The following PRKCZ variants were observed in gnomAD, a reference collection of about 807,000 sequenced individuals.
The protein encoded by PRKCZ is protein kinase C zeta, also known as protein kinase C zeta type.
In PRKCZ, 33 loss-of-function variants were observed where a neutral mutation model predicts 79.5. That is an observed-to-expected ratio of 0.41 (90% CI 0.31 to 0.55). PRKCZ has a LOEUF of 0.55. Ranked by LOEUF, PRKCZ falls within the 20% of genes least tolerant of loss-of-function variation. PRKCZ has a pLI of 0.19. For synonymous variants in PRKCZ, 342 were observed against 320.9 expected, an observed-to-expected ratio of 1.07 and a Z score of -0.70; for missense variants, 578 against 813.5, an observed-to-expected ratio of 0.71 and a Z score of 3.52.
At chr1:2,073,532 T>G in intron 4 of PRKCZ, 1 of 772,042 alleles carries the variant, frequency 1.3e-6, no homozygotes, top group Non-Finnish European at 1.6e-6. Context: ...CAAGGTCCGC[T>G]GAGTCCGAGC....
chr1:2,070,740 G>C (rs935153719), intron 4 of PRKCZ, among the ~76,000 whole-genome samples: 15 of 150,218 alleles, frequency 1.0e-4, no homozygotes, highest in Admixed American at 6.6e-4. Context: ...CCAGGGTGGG[G>C]CTGGCGGGGG....
chr1:2,179,879 G>A (rs1013978020), intron 16 of PRKCZ, among the ~76,000 whole-genome samples: 2 of 152,178 alleles, frequency 1.3e-5, no homozygotes, highest in African/African-American at 4.8e-5. Flanking sequence ...TGTGTGCTGC[G>A]CAAGGAGCCG....
At chr1:2,079,572 C>T (rs1405396677) in intron 4 of PRKCZ, among the ~76,000 whole-genome samples, 5 of 152,206 alleles carry the variant, frequency 3.3e-5, no homozygotes, top group African/African-American at 7.2e-5. Flanking sequence ...CATAAGTGAG[C>T]GTGATGGTAA....
chr1:2,089,546 T>G (rs1370020562), intron 4 of PRKCZ, among the ~76,000 whole-genome samples: 1 of 152,160 alleles, frequency 6.6e-6, no homozygotes, highest in African/African-American at 2.4e-5. Flanking sequence ...AGCCAGAGCC[T>G]TCTCAGAGTC....
chr1:2,086,480 G>A (rs754186674), intron 4 of PRKCZ, among the ~76,000 whole-genome samples: 5 of 152,182 alleles, frequency 3.3e-5, no homozygotes, highest in South Asian at 2.1e-4. Flanking sequence ...GGGCCTTGGC[G>A]AGCGGCTCCC....
intron 4 of PRKCZ, among the ~76,000 whole-genome samples, chr1:2,131,913 G>C (rs1005832418): frequency 6.6e-6 from 1 of 152,222 alleles, no homozygotes; most frequent in Non-Finnish European, 1.5e-5. Context: ...CCGGGTTCAC[G>C]CCATTCTCCT....
intron 4 of PRKCZ, among the ~76,000 whole-genome samples, chr1:2,071,713 C>T (rs1661604885): frequency 6.6e-6 from 1 of 152,218 alleles, no homozygotes; most frequent in South Asian, 2.1e-4. Flanking sequence ...GGTCGTGCTG[C>T]TGAGCCGGCC....
chr1:2,071,186 C>T (rs1484209361), intron 4 of PRKCZ: 7 of 249,326 alleles, frequency 2.8e-5, no homozygotes, highest in African/African-American at 1.2e-4. Context: ...GTGCCCCGTG[C>T]CTCAGTTTCC....
At position 2,152,985 on chromosome 1, in the gene PRKCZ, CT is replaced by C. The variant is rs200308431; in HGVS notation, c.876+2011del. Among the ~76,000 whole-genome samples the C allele has an allele frequency of 6.3e-3, 956 of 152,364 alleles. 5 individuals carry two copies. Among genetic ancestry groups the C allele is most frequent in the African/African-American group, 0.021 (877 of 41,590 alleles). ...AATCTGTTTGAGTCTATTTCCAGTT[CT>C]TTTGAGTGCAAACCTAGCAGTACAG... On this transcript the variant is annotated intron_variant, in intron 9 of 17. Transcript: ENST00000378567.
intron 5 of PRKCZ, among the ~76,000 whole-genome samples, chr1:2,140,379 G>C (rs937857446): frequency 6.6e-6 from 1 of 152,208 alleles, no homozygotes; most frequent in Admixed American, 6.5e-5. Flanking sequence ...GAGGCCGGGC[G>C]CGGTGGCTCA....
Position 2,116,051 on chromosome 1 carries a change from C to T in PRKCZ, c.335-19211C>T, listed in dbSNP as rs545350774. ...GCTGAAGACCAGCCGCATCCTGGAG[C>T]TGTCCCGGCTCCCGGCTCCCCGTCA... On this transcript the variant is annotated intron_variant, in intron 4 of 17. Transcript: ENST00000378567. Among the ~76,000 whole-genome samples, 7 of 152,080 alleles carry T rather than the reference C, an allele frequency of 4.6e-5. No homozygotes were observed. In the South Asian group the frequency reaches 1.2e-3, roughly 27 times the overall value.
intron 6 of PRKCZ, 67 bp from the exon 7 acceptor site, chr1:2,145,960 C>A (rs1678415273): frequency 7.2e-7 from 1 of 1,383,060 alleles, no homozygotes. Flanking sequence ...AAAGTGTTTA[C>A]AGAAGCTACA....
intron 4 of PRKCZ, among the ~76,000 whole-genome samples, chr1:2,119,925 T>A (rs1671523594): frequency 6.6e-6 from 1 of 152,054 alleles, no homozygotes; most frequent in Non-Finnish European, 1.5e-5. Flanking sequence ...GAGCTAGGAT[T>A]GCAGGTGTGC....
At chr1:2,142,727 C>T (rs1024287097) in intron 5 of PRKCZ, 11 of 162,116 alleles carry the variant, frequency 6.8e-5, no homozygotes, top group Non-Finnish European at 1.5e-4. Context: ...TGTTTTCTTA[C>T]CCGATGCCCA....
intron 4 of PRKCZ, among the ~76,000 whole-genome samples, chr1:2,077,388 A>G (rs1000072310): frequency 1.3e-5 from 2 of 152,154 alleles, no homozygotes; most frequent in Non-Finnish European, 2.9e-5. Context: ...ACCCAGGTGC[A>G]CTGGCAGCTC....
intron 4 of PRKCZ, among the ~76,000 whole-genome samples, chr1:2,067,190 G>A (rs1488798487): frequency 6.6e-6 from 1 of 152,154 alleles, no homozygotes; most frequent in Non-Finnish European, 1.5e-5. Context: ...TGGCTCACTT[G>A]TGTTCTGTTC....
intron 4 of PRKCZ, among the ~76,000 whole-genome samples, chr1:2,079,294 C>T (rs2803343): frequency 0.45 from 68,022 of 152,138 alleles, 17,637 homozygotes; most frequent in East Asian, 0.74. Flanking sequence ...AGGCTTCCCG[C>T]GTGTGAACTC....
chr1:2,054,688 C>T (rs1034519617), intron 1 of PRKCZ, among the ~76,000 whole-genome samples: 8 of 152,142 alleles, frequency 5.3e-5, no homozygotes, highest in African/African-American at 1.4e-4. Context: ...GCCACTTCAC[C>T]GCTGGCACCG....
chr1:2,135,462 C>G, intron 5 of PRKCZ, 115 bp downstream of exon 5: 1 of 946,802 alleles, frequency 1.1e-6, no homozygotes, highest in Non-Finnish European at 1.5e-6. Context: ...TTTTGGCGCC[C>G]GAGGGCAAGG....
Sources: gnomAD v4.1 joint callset for allele counts (sites outside exome capture counted in the v4.1 genomes callset) on GRCh38, gnomAD v4.1.1 for gene constraint, MANE v1.5 for transcripts, NCBI Gene and HGNC (gene_info 2026-07-23, HGNC 2026-07-21) for gene names.